Variants in NELL1 observed in about 807,000 individuals in gnomAD.
NELL1 encodes protein kinase C-binding protein NELL1.
In NELL1, 76 loss-of-function variants were observed where a neutral mutation model predicts 107.4. The ratio of observed to expected loss-of-function variants is 0.71; its 90% CI spans 0.59 to 0.86. The LOEUF is 0.86. Among genes scored for constraint, NELL1 ranks in the 40% least tolerant of loss-of-function variants. NELL1 has a pLI of 0.00. For synonymous variants in NELL1, 353 were observed against 341.2 expected, an observed-to-expected ratio of 1.03 and a Z score of -0.38; for missense variants, 1,024 against 1,005.5, an observed-to-expected ratio of 1.02 and a Z score of -0.25.
intron 13 of NELL1, among the ~76,000 whole-genome samples, chr11:21,204,520 T>A (rs1402988211): frequency 1.3e-5 from 2 of 151,966 alleles, no homozygotes; most frequent in Non-Finnish European, 2.9e-5. Flanking sequence ...CTAACCTTTT[T>A]TCAAGATTCT....
intron 13 of NELL1, among the ~76,000 whole-genome samples, chr11:21,150,104 A>C (rs118020377): frequency 0.041 from 6,262 of 152,118 alleles, 183 homozygotes; most frequent in Non-Finnish European, 0.063. Flanking sequence ...TGGCAGTGGG[A>C]ATGAGTTTCA....
chr11:20,896,526 T>G (rs1849741994), intron 5 of NELL1, among the ~76,000 whole-genome samples: 1 of 152,220 alleles, frequency 6.6e-6, no homozygotes, highest in Non-Finnish European at 1.5e-5. Flanking sequence ...TATTTCCACT[T>G]TTGGTTCTTT....
intron 15 of NELL1, among the ~76,000 whole-genome samples, chr11:21,510,046 T>A (rs985765195): frequency 1.3e-5 from 2 of 152,148 alleles, no homozygotes; most frequent in Admixed American, 6.6e-5. Flanking sequence ...CTCACTGAAA[T>A]ACCTGGGGGC....
At chr11:21,301,275 G>A (rs2133623482) in intron 14 of NELL1, among the ~76,000 whole-genome samples, 1 of 152,226 alleles carries the variant, frequency 6.6e-6, no homozygotes, top group East Asian at 1.9e-4. Flanking sequence ...TGGGATGGCT[G>A]GGTCAAATGG....
intron 15 of NELL1, among the ~76,000 whole-genome samples, chr11:21,451,708 T>G (rs894054890): frequency 6.6e-6 from 1 of 152,182 alleles, no homozygotes; most frequent in African/African-American, 2.4e-5. Flanking sequence ...ATATTTTGAT[T>G]TAACCTGACA....
At chr11:21,001,982 A>G (rs939153186) in intron 12 of NELL1, among the ~76,000 whole-genome samples, 1 of 152,216 alleles carries the variant, frequency 6.6e-6, no homozygotes, top group Non-Finnish European at 1.5e-5. Flanking sequence ...GCCCAGCCTT[A>G]GTACCCCTGT....
At chr11:20,852,230 A>G (rs775954370) in intron 4 of NELL1, among the ~76,000 whole-genome samples, 4 of 152,202 alleles carry the variant, frequency 2.6e-5, no homozygotes, top group Non-Finnish European at 5.9e-5. Flanking sequence ...TCACCTTGAC[A>G]GAGAGTTAAC....
intron 14 of NELL1, among the ~76,000 whole-genome samples, chr11:21,309,481 T>G (rs557454720): frequency 3.4e-4 from 51 of 151,710 alleles, no homozygotes; most frequent in Non-Finnish European, 6.2e-4. Context: ...CCTTCCAAAT[T>G]GAATGAGTGG....
At chr11:21,280,117 T>C (rs896307134) in intron 14 of NELL1, among the ~76,000 whole-genome samples, 1 of 152,192 alleles carries the variant, frequency 6.6e-6, no homozygotes, top group Admixed American at 6.6e-5. Context: ...TACTCTGTAA[T>C]GATACTACAA....
intron 12 of NELL1, among the ~76,000 whole-genome samples, chr11:20,971,141 G>A (rs4631874): frequency 0.023 from 3,550 of 152,076 alleles, 144 homozygotes; most frequent in African/African-American, 0.08. Flanking sequence ...CTCTGCTTGT[G>A]GCTGGATGGT....
chr11:21,339,352 G>T (rs556289823), intron 14 of NELL1, among the ~76,000 whole-genome samples: 1 of 152,304 alleles, frequency 6.6e-6, no homozygotes, highest in South Asian at 2.1e-4. Flanking sequence ...AAGCTAAGAA[G>T]AGTCAAGGAA....
chr11:21,070,032 G>A (rs896727147), intron 12 of NELL1, among the ~76,000 whole-genome samples: 4 of 152,056 alleles, frequency 2.6e-5, no homozygotes, highest in Admixed American at 6.6e-5. Context: ...ATGTGATAAC[G>A]TATATTGGAG....
chr11:20,902,228 C>CA lies in NELL1; in HGVS notation c.604-15945dup, dbSNP rs376372534. 1.5e-4 allele frequency among the ~76,000 whole-genome samples: 22 copies of CA among 146,224 alleles called. 1 individual carries two copies. Among genetic ancestry groups the CA allele is most frequent in the South Asian group, 6.5e-4 (3 of 4,638 alleles). ...CAAGGAAGATCTTGACAACAATTAG[C>CA]AAAAAAAAAGTATTCATTGAAGAAA... On this transcript the variant is annotated intron_variant, in intron 5 of 19. Coordinates refer to ENST00000357134, the MANE Select transcript of NELL1 (RefSeq NM_006157.5).
At chr11:21,001,160 C>T (rs1166947135) in intron 12 of NELL1, among the ~76,000 whole-genome samples, 1 of 152,162 alleles carries the variant, frequency 6.6e-6, no homozygotes, top group Non-Finnish European at 1.5e-5. Flanking sequence ...CCTATCCCAT[C>T]ATTATTATTA....
chr11:21,370,287 T>C (rs1314273688), intron 14 of NELL1, among the ~76,000 whole-genome samples: 1 of 152,062 alleles, frequency 6.6e-6, no homozygotes, highest in Non-Finnish European at 1.5e-5. Flanking sequence ...CAGGTTGTGC[T>C]AAGCATTTTA....
In NELL1 at chr11:21,200,858, G is replaced by A. The variant is rs547167827; in HGVS notation, c.1427-28474G>A. On this transcript the variant is annotated intron_variant, in intron 13 of 19. Transcript: ENST00000357134. ...AGTTTTAGTTTTCTACATACGGCTAGCCAGTTTACCCAACACCATTTATTA... is the reference window on the plus strand; with the variant it reads ...AGTTTTAGTTTTCTACATACGGCTAACCAGTTTACCCAACACCATTTATTA... Among the ~76,000 whole-genome samples, 5 of 152,288 alleles carry A rather than the reference G, an allele frequency of 3.3e-5. No individual in the cohort carries two copies. The South Asian group carries it at 1.0e-3, about 32-fold the overall frequency.
intron 16 of NELL1, among the ~76,000 whole-genome samples, chr11:21,559,568 C>A (rs2134000213): frequency 6.6e-6 from 1 of 152,162 alleles, no homozygotes; most frequent in East Asian, 1.9e-4. Context: ...ATTTTTTATG[C>A]ACGGGCAAAT....
intron 14 of NELL1, among the ~76,000 whole-genome samples, chr11:21,362,303 G>C (rs1363101784): frequency 6.6e-6 from 1 of 152,158 alleles, no homozygotes; most frequent in African/African-American, 2.4e-5. Context: ...CATGCTCCAG[G>C]CTGGTGGTAG....
At chr11:20,893,668 G>A (rs1243381276) in intron 5 of NELL1, among the ~76,000 whole-genome samples, 2 of 150,980 alleles carry the variant, frequency 1.3e-5, no homozygotes, top group Non-Finnish European at 2.9e-5. Flanking sequence ...GGTAAGAAGA[G>A]AAATATTTAA....
Sources: gnomAD v4.1 joint callset for allele counts (sites outside exome capture counted in the v4.1 genomes callset) on GRCh38, gnomAD v4.1.1 for gene constraint, MANE v1.5 for transcripts, NCBI Gene and HGNC (gene_info 2026-07-23, HGNC 2026-07-21) for gene names.